LRRC37A2: variants seen among roughly 807,000 people sequenced by gnomAD.
The protein encoded by LRRC37A2 is leucine rich repeat containing 37 member A2.
LRRC37A2 carries 9 observed loss-of-function variants against 68.8 expected under a neutral mutation model. The ratio of observed to expected loss-of-function variants is 0.13; its 90% confidence interval spans 0.08 to 0.23. The LOEUF is 0.23. Among genes scored for constraint, LRRC37A2 ranks in the 10% least tolerant of loss-of-function variants. The pLI is 1.00. For synonymous variants in LRRC37A2, 63 were observed against 367.6 expected (o/e 0.17, Z 9.48); for missense variants, 168 against 950.4 (o/e 0.18, Z 10.82).
chr17:46,657,463 T>C, the LRRC37A2 span, among the ~76,000 whole-genome samples: 1 of 151,394 alleles, frequency 6.6e-6, no homozygotes, highest in Non-Finnish European at 1.5e-5. Flanking sequence ...CTTAGTTTCC[T>C]CATTATAAAA....
chr17:46,734,892 C>CA, the LRRC37A2 span, among the ~76,000 whole-genome samples: 1 of 151,734 alleles, frequency 6.6e-6, no homozygotes, highest in East Asian at 1.9e-4. Flanking sequence ...CCAGTCTTTA[C>CA]AAAAAAAAGT....
the LRRC37A2 span, among the ~76,000 whole-genome samples, chr17:47,011,870 T>A: frequency 6.6e-6 from 1 of 152,176 alleles, no homozygotes; most frequent in East Asian, 1.9e-4. Context: ...GAATCACATC[T>A]TGGGGGCACA....
chr17:46,768,067 C>T, the LRRC37A2 span, among the ~76,000 whole-genome samples: 6 of 152,310 alleles, frequency 3.9e-5, no homozygotes, highest in Admixed American at 2.6e-4. This position sits in a 1 kb window ranked among gnomAD's most constrained non-coding sequence, Gnocchi z 5.0. Flanking sequence ...GGATTACAGG[C>T]GTGAGCCACC....
At chr17:46,757,937 T>C in the LRRC37A2 span, among the ~76,000 whole-genome samples, 1 of 151,570 alleles carries the variant, frequency 6.6e-6, no homozygotes, top group Non-Finnish European at 1.5e-5. Context: ...GAGGTTGCAG[T>C]GAGCCAGGAT....
At chr17:46,831,048 C>T in the LRRC37A2 span, 1 of 307,048 alleles carries the variant, frequency 3.3e-6, no homozygotes, top group East Asian at 5.3e-5. Context: ...AAGAACAATG[C>T]AAATCAATGT....
the LRRC37A2 span, chr17:46,978,110 C>CAT: frequency 6.3e-6 from 1 of 158,342 alleles, no homozygotes; most frequent in Admixed American, 6.5e-5. Flanking sequence ...CAGGAGGGTA[C>CAT]ATGCCCTCCG....
the LRRC37A2 span, among the ~76,000 whole-genome samples, chr17:46,899,777 G>T: frequency 1.3e-5 from 2 of 152,098 alleles, no homozygotes; most frequent in African/African-American, 4.8e-5. Flanking sequence ...TATGTGAATT[G>T]TATCCCCATA....
At chr17:46,817,126 C>G in the LRRC37A2 span, among the ~76,000 whole-genome samples, 2 of 152,224 alleles carry the variant, frequency 1.3e-5, no homozygotes, top group African/African-American at 4.8e-5. Context: ...TCCCCACCCT[C>G]TCTCCCAGGA....
chr17:47,034,276 C>T, the LRRC37A2 span, among the ~76,000 whole-genome samples: 1 of 152,216 alleles, frequency 6.6e-6, no homozygotes, highest in Non-Finnish European at 1.5e-5. Flanking sequence ...AAACTTGAGC[C>T]ATTGAGCCAG....
At chr17:46,876,150 C>T in the LRRC37A2 span, 10 of 1,218,428 alleles carry the variant, frequency 8.2e-6, no homozygotes, top group Non-Finnish European at 1.0e-5. Flanking sequence ...TTCCCATTCT[C>T]CTGCCTCTGC....
At chr17:46,749,637 G>A in the LRRC37A2 span, 6 of 767,356 alleles carry the variant, frequency 7.8e-6, no homozygotes, top group Admixed American at 3.2e-5. Flanking sequence ...ATCCTGAATT[G>A]TTTTCTTCTG....
At chr17:46,822,038 T>C in the LRRC37A2 span, among the ~76,000 whole-genome samples, 1 of 151,860 alleles carries the variant, frequency 6.6e-6, no homozygotes, top group African/African-American at 2.4e-5. Context: ...CGGACCAACC[T>C]GGGGGGGTAA....
chr17:46,548,749 A>T lies in LRRC37A2; in HGVS notation c.3610A>T (p.Lys1204Ter), dbSNP rs371532921. The change falls in exon 10 of 15, where the codon AAA (lysine) becomes TAA (stop). Residue 1204 changes from lysine to a stop codon, truncating the protein, a stop_gained. Transcript: ENST00000576629. LOFTEE classifies it high-confidence loss of function. ...ATCTGTGGAGAACGCTGCCGAAGAA[A>T]AAAGGCTCGGGAGTCCAGCCCCAAG... 43 of 1,610,698 alleles carry T rather than the reference A, an allele frequency of 2.7e-5. 1 individual carries two copies. Among genetic ancestry groups the T allele is most frequent in the Non-Finnish European group, 3.5e-5 (41 of 1,179,870 alleles).
the LRRC37A2 span, among the ~76,000 whole-genome samples, chr17:46,927,373 GT>G: frequency 6.6e-6 from 1 of 152,082 alleles, no homozygotes; most frequent in Admixed American, 6.5e-5. Flanking sequence ...TTGTTTTCAT[GT>G]TGTCAGATGT....
the LRRC37A2 span, chr17:46,933,237 T>A: frequency 2.6e-5 from 4 of 152,394 alleles, no homozygotes; most frequent in South Asian, 8.3e-4. Context: ...ACACCGTCAG[T>A]TCTTAATAAA....
chr17:46,954,250 A>G, the LRRC37A2 span, among the ~76,000 whole-genome samples: 1 of 152,236 alleles, frequency 6.6e-6, no homozygotes, highest in Non-Finnish European at 1.5e-5. Context: ...AGCTTTCTAC[A>G]TATGGCTAGC....
the LRRC37A2 span, among the ~76,000 whole-genome samples, chr17:46,807,536 T>C: frequency 1.3e-5 from 2 of 152,166 alleles, no homozygotes; most frequent in Non-Finnish European, 2.9e-5. Flanking sequence ...GGAATTCTCA[T>C]AACTCAAAAC....
chr17:46,951,976 A>G, the LRRC37A2 span, among the ~76,000 whole-genome samples: 3 of 152,086 alleles, frequency 2.0e-5, no homozygotes, highest in Non-Finnish European at 4.4e-5. Flanking sequence ...TTTTCTCTGC[A>G]TCCTCTCAGA....
the LRRC37A2 span, among the ~76,000 whole-genome samples, chr17:47,000,061 A>T: frequency 3.9e-5 from 1 of 25,540 alleles, no homozygotes; most frequent in Non-Finnish European, 1.0e-4. Flanking sequence ...AATAAAATAA[A>T]ATTAAAATAA....
Sources: allele counts gnomAD v4.1 joint callset (sites outside exome capture counted in the v4.1 genomes callset), GRCh38; gene constraint gnomAD v4.1.1; non-coding constraint Gnocchi (gnomAD v3.1); transcripts MANE v1.5; gene names NCBI Gene and HGNC (gene_info 2026-07-23, HGNC 2026-07-21).